TRPM2: variants seen among roughly 807,000 people sequenced by gnomAD.
TRPM2 encodes the protein transient receptor potential cation channel subfamily M member 2.
In TRPM2, 161 loss-of-function variants were observed where a neutral mutation model predicts 174.0. That is an observed-to-expected ratio of 0.93 (90% CI 0.81 to 1.05). The LOEUF is 1.05. Ranked by LOEUF, TRPM2 falls within the 50% of genes least tolerant of loss-of-function variation. The pLI is 0.00. For missense variants in TRPM2, 2,057 were observed against 2,038.0 expected, an observed-to-expected ratio of 1.01 and a Z score of -0.18; for synonymous variants, 954 against 861.3, an observed-to-expected ratio of 1.11 and a Z score of -1.88.
chr21:44,437,630 G>C (rs540532665), intron 29 of TRPM2, among the ~76,000 whole-genome samples: 4 of 152,332 alleles, frequency 2.6e-5, no homozygotes, highest in South Asian at 4.1e-4. Flanking sequence ...GACAGGGGTA[G>C]GTAGGGCCCA....
In TRPM2 at chr21:44,379,201, A is replaced by T. The variant is rs1895660386; in HGVS notation, c.1215+4A>T. On this transcript the variant is annotated splice_donor_region_variant and intron_variant, in intron 8 of 31. Transcript: ENST00000397928. Reference sequence around the variant, plus strand: ...GATTGTCGAGTGGACCAAAAAGGTGAGGCTGACGGGCACGACGGTCACCAG... The same window carrying T: ...GATTGTCGAGTGGACCAAAAAGGTGTGGCTGACGGGCACGACGGTCACCAG... 1 of 1,611,806 alleles carries T rather than the reference A, an allele frequency of 6.2e-7. No homozygotes were observed. The highest frequency in any genetic ancestry group is 1.7e-5 in the Admixed American group (1 of 60,006).
Position 44,438,580 on chromosome 21 carries a change from G to A in TRPM2, c.4168-487G>A, listed in dbSNP as rs374446756. Reference sequence around the variant, plus strand: ...GTGTGGGGAGGAGGAGGTGCAGGCCGGAGCTGGGTCCCTGAGTCAGGTGGC... The same window carrying A: ...GTGTGGGGAGGAGGAGGTGCAGGCCAGAGCTGGGTCCCTGAGTCAGGTGGC... On this transcript the variant is annotated intron_variant, in intron 29 of 31. Transcript: ENST00000397928. This position sits in a 1 kb window ranked among gnomAD's most constrained non-coding sequence, Gnocchi z 5.9. Among the ~76,000 whole-genome samples the A allele has an allele frequency of 1.6e-4, 24 of 152,142 alleles. No individual in the cohort carries two copies. Among genetic ancestry groups the A allele is most frequent in the South Asian group, 8.3e-4 (4 of 4,832 alleles).
chr21:44,430,904 A>G (rs373511183), intron 27 of TRPM2, among the ~76,000 whole-genome samples: 1 of 149,950 alleles, frequency 6.7e-6, no homozygotes, highest in South Asian at 2.1e-4. Context: ...GATTTAAAAA[A>G]TAATATAAAT....
At chr21:44,425,184 G>A in intron 24 of TRPM2, 2 of 535,438 alleles carry the variant, frequency 3.7e-6, no homozygotes, top group Non-Finnish European at 6.7e-6. Context: ...GGCCTGGCCT[G>A]CTGTGCCCTG....
At chr21:44,392,513 G>T (rs1223308141) in intron 11 of TRPM2, among the ~76,000 whole-genome samples, 1 of 151,298 alleles carries the variant, frequency 6.6e-6, no homozygotes, top group Non-Finnish European at 1.5e-5. Context: ...TGATCCTCCT[G>T]TCTTGGCCTC....
intron 22 of TRPM2, among the ~76,000 whole-genome samples, chr21:44,419,280 G>A (rs553891501): frequency 2.0e-5 from 3 of 152,128 alleles, no homozygotes; most frequent in Admixed American, 6.5e-5. Flanking sequence ...AGCTGGCAAG[G>A]GATGGCCAAG....
chr21:44,353,283 A>G (rs1370942058), upstream of TRPM2: 1 of 160,664 alleles, frequency 6.2e-6, no homozygotes, highest in Non-Finnish European at 1.4e-5. Flanking sequence ...TTGCGAAACC[A>G]TGTCGCTGGC....
Position 44,401,852 on chromosome 21 carries a change from C to T in TRPM2, c.2493C>T (p.Ala831=). The part of the protein sequence containing the change: ...FQPVPSWCEC[A]IYLWLFSLVC... ...CTGTGCCCTCCTGGTGCGAGTGTGC[C>T]ATCTACCTCTGGCTCTTCTCCTTGG... The change falls in exon 16 of 32, where the codon GCC becomes GCT. Residue 831 remains alanine, a synonymous_variant. Coordinates refer to ENST00000397928, the MANE Select transcript of TRPM2 (RefSeq NM_003307.4). 1 of 1,613,922 alleles carries T rather than the reference C, an allele frequency of 6.2e-7. No homozygotes were observed. Among genetic ancestry groups the T allele is most frequent in the Non-Finnish European group, 8.5e-7 (1 of 1,180,014 alleles).
chr21:44,439,300 T>C lies in TRPM2; in HGVS notation c.4269+132T>C. The C allele has an allele frequency of 1.3e-6, 1 of 766,748 alleles. No individual in the cohort carries two copies. Among genetic ancestry groups the C allele is most frequent in the Non-Finnish European group, 2.2e-6 (1 of 464,784 alleles). The allele number at this position is 766,748 out of a possible 1,614,324, so 47.5% of individuals were successfully genotyped here. A position where few individuals can be genotyped will look rare whatever the true frequency, so the allele number is the denominator to read the frequency against. On this transcript the variant is annotated intron_variant, in intron 30 of 31. Transcript: ENST00000397928. The surrounding 1 kb of genome is among the most constrained non-coding windows in gnomAD (Gnocchi z 5.1). ...CCCACCCAGCTTCACCAGGTGACGG[T>C]GGTCCCAGCCCCTGCCCCCACGTTG...
chr21:44,377,589 T>G (rs575642912), intron 6 of TRPM2, 123 bp from the exon 7 acceptor site: 6 of 1,311,224 alleles, frequency 4.6e-6, no homozygotes, highest in Non-Finnish European at 6.5e-6. Flanking sequence ...GTGCCCTCAG[T>G]GCAGGGTCTT....
Position 44,354,672 on chromosome 21 carries a change from C to T in TRPM2, c.190C>T (p.Pro64Ser), listed in dbSNP as rs772912846. The part of the protein sequence containing the change: ...DKQESLSSWI[P>S]ENIKKKECVY... ...GCAAGAAAGCCTCAGTTCGTGGATT[C>T]CTGAAAACATCAAGAAGAAAGAATG... Residue 64 changes from proline (P) to serine (S), a missense_variant, in exon 2 of 32, where the codon CCT becomes TCT. Physicochemically the swap from Pro to Ser is moderately conservative, Grantham distance 74. Coordinates refer to ENST00000397928, the MANE Select transcript of TRPM2 (RefSeq NM_003307.4). This position sits in a 1 kb window ranked among gnomAD's most constrained non-coding sequence, Gnocchi z 4.3. 2 of 1,614,138 alleles carry T rather than the reference C, an allele frequency of 1.2e-6. No individual in the cohort carries two copies. The highest frequency in any genetic ancestry group is 4.5e-5 in the East Asian group (2 of 44,870).
intron 19 of TRPM2, among the ~76,000 whole-genome samples, chr21:44,410,056 C>T (rs190008062): frequency 4.7e-4 from 70 of 149,320 alleles, no homozygotes; most frequent in African/African-American, 1.4e-3. Flanking sequence ...GTTTTGATCG[C>T]GCTGTCTTGG....
rs1435538026 is a variant in TRPM2, at chr21:44,376,128, G to A, written c.952+115G>A. ...CAACAGGCCTGGCGTTTGGCAGAGAGTGCAGTGGGCTGGTCAGAGTGTCAG... is the reference window on the plus strand; with the variant it reads ...CAACAGGCCTGGCGTTTGGCAGAGAATGCAGTGGGCTGGTCAGAGTGTCAG... On this transcript the variant is annotated intron_variant, in intron 6 of 31. Transcript: ENST00000397928. This position sits in a 1 kb window ranked among gnomAD's most constrained non-coding sequence, Gnocchi z 4.2. The A allele has an allele frequency of 3.9e-6, 5 of 1,284,752 alleles. No individual in the cohort carries two copies. In the Admixed American group the frequency reaches 7.1e-5, roughly 18 times the overall value. 79.6% of individuals were successfully genotyped at this position (1,284,752 alleles called of 1,614,324 possible).
rs373050309 is a variant in TRPM2 at position 44,392,446 on chromosome 21, T to C, written c.1794+821T>C. On this transcript the variant is annotated intron_variant, in intron 11 of 31. Transcript: ENST00000397928. ...CTTTTTTTTTTTTTTTATAATATTT[T>C]GTTGAGATGGGGTCTCATTATATGG... Among the ~76,000 whole-genome samples the C allele has an allele frequency of 2.0e-3, 303 of 151,822 alleles. 1 individual carries two copies. Among genetic ancestry groups the C allele is most frequent in the Middle Eastern group, 0.01 (3 of 292 alleles).
At chr21:44,379,251 T>G (rs2048803518) in intron 8 of TRPM2, 54 bp downstream of exon 8, 1 of 1,584,424 alleles carries the variant, frequency 6.3e-7, no homozygotes, top group African/African-American at 1.3e-5. Flanking sequence ...GCAGAGACAC[T>G]GTCAGCCTGG....
At position 44,440,894 on chromosome 21, in the gene TRPM2, A is replaced by T. The variant is rs200896295; in HGVS notation, c.4375A>T (p.Arg1459Trp). 3.1e-5 allele frequency: 50 copies of T among 1,613,606 alleles called. No individual in the cohort carries two copies. Among genetic ancestry groups the T allele is most frequent in the African/African-American group, 1.3e-5 (1 of 74,926 alleles). ...FQDQNDVELN[R>W]LNSNLHACDS... ...GGACCAGAATGACGTGGAGCTGAAC[A>T]GGCTGAACTCTGTATGTGCCTGGCC... Residue 1459 changes from arginine to tryptophan, a missense_variant, in exon 31 of 32, where the codon AGG (arginine) becomes TGG (tryptophan). Physicochemically the swap from Arg to Trp is moderately radical, Grantham distance 101. Coordinates refer to ENST00000397928, the MANE Select transcript of TRPM2 (RefSeq NM_003307.4).
intron 16 of TRPM2, 56 bp from the exon 17 acceptor site, chr21:44,405,086 T>G: frequency 6.2e-7 from 1 of 1,603,102 alleles, no homozygotes; most frequent in Non-Finnish European, 8.5e-7. Context: ...ACAGTGACAG[T>G]GAGGATAGTA....
At chr21:44,362,899 G>C (rs1022156350) in intron 2 of TRPM2, among the ~76,000 whole-genome samples, 1 of 151,898 alleles carries the variant, frequency 6.6e-6, no homozygotes, top group Non-Finnish European at 1.5e-5. Flanking sequence ...TCAGCGTCCC[G>C]AGTGGCTGGG....
In TRPM2 at chr21:44,438,824, C is replaced by T. The variant is rs568248979; in HGVS notation, c.4168-243C>T. On this transcript the variant is annotated intron_variant, in intron 29 of 31. Coordinates refer to ENST00000397928, the MANE Select transcript of TRPM2 (RefSeq NM_003307.4). This position sits in a 1 kb window ranked among gnomAD's most constrained non-coding sequence, Gnocchi z 5.9. ...GTGGGTACCCTGGGGGCTGTCCCTG[C>T]TCCTCAGAGGTTGTGTCTGCAGCCC... 5.3e-5 allele frequency among the ~76,000 whole-genome samples: 8 copies of T among 152,302 alleles called. No individual in the cohort carries two copies. Among genetic ancestry groups the T allele is most frequent in the African/African-American group, 1.9e-4 (8 of 41,564 alleles).
Sources: gnomAD v4.1 joint callset for allele counts (sites outside exome capture counted in the v4.1 genomes callset) on GRCh38, gnomAD v4.1.1 for gene constraint, Gnocchi (gnomAD v3.1) non-coding constraint, MANE v1.5 for transcripts, NCBI Gene and HGNC (gene_info 2026-07-23, HGNC 2026-07-21) for gene names.